MAP3K1: variants seen among roughly 807,000 people sequenced by gnomAD.
MAP3K1 encodes the protein MAP/ERK kinase kinase 1.
Under a neutral mutation model 144.2 loss-of-function variants are expected in MAP3K1, and 36 were observed. The ratio of observed to expected loss-of-function variants is 0.25; its 90% CI spans 0.19 to 0.33. MAP3K1 has a LOEUF of 0.33. Ranked by LOEUF, MAP3K1 falls within the 10% of genes least tolerant of loss-of-function variation. MAP3K1 has a pLI of 1.00. For missense variants in MAP3K1, 1,650 were observed against 1,881.9 expected, an observed-to-expected ratio of 0.88 and a Z score of 2.28; for synonymous variants, 718 against 688.7, an observed-to-expected ratio of 1.04 and a Z score of -0.67.
At chr5:56,854,432 C>CAAAAAAAAAA (rs10647091) in intron 1 of MAP3K1, among the ~76,000 whole-genome samples, 6 of 85,286 alleles carry the variant, frequency 7.0e-5, no homozygotes, top group Non-Finnish European at 6.5e-5. Context: ...AACTCCATCT[C>CAAAAAAAAAA]AAAAAAAAAA....
chr5:56,869,231 G>A (rs1028882818), intron 6 of MAP3K1, among the ~76,000 whole-genome samples: 1 of 152,084 alleles, frequency 6.6e-6, no homozygotes, highest in Non-Finnish European at 1.5e-5. Flanking sequence ...TACTTGTGCC[G>A]CTGTACTACA....
Position 56,864,797 on chromosome 5 carries a change from A to G in MAP3K1, c.898A>G (p.Ser300Gly). 1 of 1,614,180 alleles carries G rather than the reference A, an allele frequency of 6.2e-7. No homozygotes were observed. Among genetic ancestry groups the G allele is most frequent in the Non-Finnish European group, 8.5e-7 (1 of 1,180,024 alleles). Residue 300 changes from serine to glycine, a missense_variant, in exon 4 of 20, where the codon AGC becomes GGC. Physicochemically the swap from Ser to Gly is moderately conservative, Grantham distance 56. Coordinates refer to ENST00000399503, the MANE Select transcript of MAP3K1 (RefSeq NM_005921.2). ...TTCACCAGATGGCTTCTCACCATAT[A>G]GCCCTGAGGAAACAAACCGCCGTGT... ...APSPDGFSPY[S>G]PEETNRRVNK...
At chr5:56,825,662 C>G (rs574164039) in intron 1 of MAP3K1, among the ~76,000 whole-genome samples, 1 of 152,212 alleles carries the variant, frequency 6.6e-6, no homozygotes, top group East Asian at 1.9e-4. Context: ...TTGCTGTGCT[C>G]TTACTCTTCT....
At chr5:56,827,637 G>A (rs1002034341) in intron 1 of MAP3K1, among the ~76,000 whole-genome samples, 6 of 152,302 alleles carry the variant, frequency 3.9e-5, no homozygotes, top group Admixed American at 6.5e-5. Context: ...GCTGAGGCGG[G>A]TGGATCACCT....
At chr5:56,892,591 C>G (rs1298733574) in intron 19 of MAP3K1, among the ~76,000 whole-genome samples, 4 of 152,068 alleles carry the variant, frequency 2.6e-5, no homozygotes, top group Non-Finnish European at 5.9e-5. Context: ...GATTTCATAG[C>G]TAGCTAAATG....
chr5:56,890,453 C>T lies in MAP3K1; in HGVS notation c.4389+2096C>T, dbSNP rs1489527738. 2.6e-5 allele frequency among the ~76,000 whole-genome samples: 4 copies of T among 152,190 alleles called. No homozygotes were observed. The East Asian group carries it at 7.7e-4, about 29-fold the overall frequency. On this transcript the variant is annotated intron_variant, in intron 19 of 19. Transcript: ENST00000399503. ...GGAAGCACCCCAAAGCTTTCTCAAACACTTCCATACCCTGTTTATGGTAGT... is the reference window on the plus strand; with the variant it reads ...GGAAGCACCCCAAAGCTTTCTCAAATACTTCCATACCCTGTTTATGGTAGT...
Position 56,872,956 on chromosome 5 carries a change from C to T in MAP3K1, c.1637C>T (p.Thr546Ile), listed in dbSNP as rs2111914508. ...AATTTTAACCTTACTCATTATGGAACTCAGCAAATCCCTCCTGCTTACAAA... is the reference window on the plus strand; with the variant it reads ...AATTTTAACCTTACTCATTATGGAATTCAGCAAATCCCTCCTGCTTACAAA... ...ESNFNLTHYG[T>I]QQIPPAYKDL... The change falls in exon 9 of 20, where the codon ACT becomes ATT. Residue 546 changes from threonine (T) to isoleucine (I), a missense_variant. Transcript: ENST00000399503. 15 of 1,614,100 alleles carry T rather than the reference C, an allele frequency of 9.3e-6. No homozygotes were observed. Among genetic ancestry groups the T allele is most frequent in the Non-Finnish European group, 1.2e-5 (14 of 1,179,980 alleles).
At position 56,839,978 on chromosome 5, in the gene MAP3K1, C is replaced by T. The variant is rs149930839; in HGVS notation, c.483-16622C>T. Reference sequence around the variant, plus strand: ...TTAGTGTTAGAAGTGTTTGGGGTCTCTAGAAGTTTGGTGATGTTTTTGTGA... The same window carrying T: ...TTAGTGTTAGAAGTGTTTGGGGTCTTTAGAAGTTTGGTGATGTTTTTGTGA... On this transcript the variant is annotated intron_variant, in intron 1 of 19. Transcript: ENST00000399503. Among the ~76,000 whole-genome samples, 996 of 152,214 alleles carry T rather than the reference C, an allele frequency of 6.5e-3. 7 individuals carry two copies. The highest frequency in any genetic ancestry group is 0.023 in the African/African-American group (954 of 41,510).
intron 1 of MAP3K1, among the ~76,000 whole-genome samples, chr5:56,848,896 A>G (rs747457618): frequency 6.6e-6 from 1 of 152,182 alleles, no homozygotes; most frequent in Non-Finnish European, 1.5e-5. Flanking sequence ...TGACTTCCAT[A>G]TTACTTAACT....
chr5:56,828,343 G>T (rs1407285656), intron 1 of MAP3K1, among the ~76,000 whole-genome samples: 1 of 152,134 alleles, frequency 6.6e-6, no homozygotes, highest in Non-Finnish European at 1.5e-5. Context: ...AAAAGAAAAG[G>T]TTGGTTTACA....
rs1029609904 is a variant in MAP3K1 at position 56,894,875 on chromosome 5, T to A, written c.*1195T>A. On this transcript the variant is annotated 3_prime_UTR_variant, in exon 20 of 20. Transcript: ENST00000399503. ...AAAGAAAAATGGAATTGAATTTCATTTATACACTAATTCCTTGGATTTTGC... is the reference window on the plus strand; with the variant it reads ...AAAGAAAAATGGAATTGAATTTCATATATACACTAATTCCTTGGATTTTGC... 8.6e-6 allele frequency: 2 copies of A among 231,964 alleles called. No homozygotes were observed. The highest frequency in any genetic ancestry group is 1.7e-5 in the Non-Finnish European group (2 of 117,340). The allele number at this position is 231,964 out of a possible 1,614,324, so 14.4% of individuals were successfully genotyped here. A position where few individuals can be genotyped will look rare whatever the true frequency, so the allele number is the denominator to read the frequency against.
At chr5:56,853,290 A>C (rs1561180719) in intron 1 of MAP3K1, among the ~76,000 whole-genome samples, 2 of 152,218 alleles carry the variant, frequency 1.3e-5, no homozygotes, top group Non-Finnish European at 2.9e-5. Flanking sequence ...GAGACTAGGA[A>C]AAACACTTTG....
chr5:56,825,019 G>A (rs1032442693), intron 1 of MAP3K1, among the ~76,000 whole-genome samples: 2 of 148,050 alleles, frequency 1.4e-5, no homozygotes, highest in Admixed American at 6.7e-5. Flanking sequence ...TTTTTTTGTT[G>A]TTGTTGAGAT....
At chr5:56,879,131 C>T (rs745318744) in intron 11 of MAP3K1, 30 bp downstream of exon 11, 2 of 1,613,512 alleles carry the variant, frequency 1.2e-6, no homozygotes, top group South Asian at 1.1e-5. Flanking sequence ...TCACTTCAAA[C>T]CCTCTTGTCT....
chr5:56,845,437 C>T (rs947417039), intron 1 of MAP3K1, among the ~76,000 whole-genome samples: 1 of 151,972 alleles, frequency 6.6e-6, no homozygotes, highest in Non-Finnish European at 1.5e-5. Context: ...TACCAGTGCC[C>T]CCAGATAAGG....
chr5:56,880,888 C>T, intron 12 of MAP3K1, 86 bp downstream of exon 12: 1 of 1,173,352 alleles, frequency 8.5e-7, no homozygotes, highest in Non-Finnish European at 1.3e-6. Flanking sequence ...TCTCATGAGG[C>T]AGTTTACAGG....
Position 56,875,041 on chromosome 5 carries a change from A to G in MAP3K1, c.1696A>G (p.Met566Val), listed in dbSNP as rs1291113510. The G allele has an allele frequency of 6.2e-7, 1 of 1,614,200 alleles. No individual in the cohort carries two copies. Among genetic ancestry groups the G allele is most frequent in the Non-Finnish European group, 8.5e-7 (1 of 1,180,020 alleles). Residue 566 changes from methionine (M) to valine (V), a missense_variant, in exon 10 of 20, where the codon ATG becomes GTG. Met to Val is a conservative substitution (Grantham distance 21, BLOSUM62 1). Transcript: ENST00000399503. The stretch of plus-strand genomic sequence containing the variant: ...TGTGTGTTTGATACAGGTGTTTGGA[A>G]TGGAACTCGTTGGCTGCTTATTTTC... ...LAEPWIQVFG[M>V]ELVGCLFSRN...
At chr5:56,850,598 T>G (rs1414960656) in intron 1 of MAP3K1, among the ~76,000 whole-genome samples, 2 of 152,198 alleles carry the variant, frequency 1.3e-5, no homozygotes, top group Non-Finnish European at 2.9e-5. Context: ...AAACTTAGAC[T>G]GGGCAGTGAA....
chr5:56,823,395 C>T (rs1746214089), intron 1 of MAP3K1, among the ~76,000 whole-genome samples: 1 of 152,218 alleles, frequency 6.6e-6, no homozygotes, highest in Admixed American at 6.5e-5. Context: ...ATTGACACTT[C>T]CTCAGGGAAG....
Sources: gnomAD v4.1 joint callset for allele counts (sites outside exome capture counted in the v4.1 genomes callset) on GRCh38, gnomAD v4.1.1 for gene constraint, MANE v1.5 for transcripts, NCBI Gene and HGNC (gene_info 2026-07-23, HGNC 2026-07-21) for gene names.